The following MAP3K2 variants were observed in gnomAD, a reference collection of about 807,000 sequenced individuals.
MAP3K2 encodes mitogen-activated protein kinase kinase kinase 2.
A neutral mutation model predicts 80.3 loss-of-function variants in MAP3K2; 24 were observed. The observed-to-expected ratio is 0.30, with a 90% CI of 0.22 to 0.42. The LOEUF is 0.42. Ranked by LOEUF, MAP3K2 falls within the 10% of genes least tolerant of loss-of-function variation. The pLI, the probability that MAP3K2 is intolerant of heterozygous loss-of-function variation, is 1.00. For synonymous variants in MAP3K2, 244 were observed against 253.7 expected, an observed-to-expected ratio of 0.96 and a Z score of 0.36; for missense variants, 608 against 750.1, an observed-to-expected ratio of 0.81 and a Z score of 2.21.
intron 1 of MAP3K2, among the ~76,000 whole-genome samples, chr2:127,362,027 A>G (rs957100688): frequency 1.3e-5 from 2 of 152,216 alleles, no homozygotes; most frequent in Non-Finnish European, 2.9e-5. Context: ...TTCAACTCTA[A>G]GCGGCAAATT....
Position 127,307,107 on chromosome 2 carries a change from A to T in MAP3K2, c.*472T>A, listed in dbSNP as rs1450254764. On this transcript the variant is annotated 3_prime_UTR_variant, in exon 17 of 17. Coordinates refer to ENST00000682094, the MANE Select transcript of MAP3K2 (RefSeq NM_001371910.2). The surrounding 1 kb of genome is among the most constrained non-coding windows in gnomAD (Gnocchi z 5.4). Reference sequence around the variant, plus strand: ...TCTTTAAGTTGAGTACCTACCCTAAACTAAAGTTTAGGGCTCAACCCCACA... The same window carrying T: ...TCTTTAAGTTGAGTACCTACCCTAATCTAAAGTTTAGGGCTCAACCCCACA... 1 of 152,716 alleles carries T rather than the reference A, an allele frequency of 6.5e-6. No individual in the cohort carries two copies. Among genetic ancestry groups the T allele is most frequent in the Non-Finnish European group, 1.5e-5 (1 of 68,148 alleles). 9.5% of individuals were successfully genotyped at this position (152,716 alleles called of 1,614,324 possible). A position where few individuals can be genotyped will look rare whatever the true frequency, so the allele number is the denominator to read the frequency against.
At chr2:127,309,161 C>G (rs1157662130) in intron 15 of MAP3K2, among the ~76,000 whole-genome samples, 1 of 152,144 alleles carries the variant, frequency 6.6e-6, no homozygotes, top group African/African-American at 2.4e-5. Context: ...GAGAAGTCAG[C>G]CTTTTCTCAG....
chr2:127,342,266 G>A (rs1686507261), intron 2 of MAP3K2, among the ~76,000 whole-genome samples: 1 of 152,080 alleles, frequency 6.6e-6, no homozygotes, highest in Non-Finnish European at 1.5e-5. Context: ...AAGAGGAAGT[G>A]GAAGAACAAT....
intron 1 of MAP3K2, among the ~76,000 whole-genome samples, chr2:127,345,336 A>G (rs1686578412): frequency 1.3e-5 from 2 of 152,250 alleles, no homozygotes; most frequent in Admixed American, 6.5e-5. Context: ...TATAGCAATT[A>G]TAAACTTATA....
At position 127,322,137 on chromosome 2, in the gene MAP3K2, G is replaced by A. The variant is rs1043455846; in HGVS notation, c.954C>T (p.Thr318=). 11 of 1,613,754 alleles carry A rather than the reference G, an allele frequency of 6.8e-6. No homozygotes were observed. Among genetic ancestry groups the A allele is most frequent in the Middle Eastern group, 1.6e-4 (1 of 6,062 alleles). The change falls in exon 12 of 17, where the codon ACC becomes ACT. Residue 318 remains threonine, a synonymous_variant. Coordinates refer to ENST00000682094, the MANE Select transcript of MAP3K2 (RefSeq NM_001371910.2). This position sits in a 1 kb window ranked among gnomAD's most constrained non-coding sequence, Gnocchi z 4.2. ...TTATTCGACTATCATCATACTCTGG[G>A]GTAAAGATACTGCTTCCACTACTAG... ...LSTSSGSSIF[T]PEYDDSRIRR... is the part of the protein sequence containing the mutation.
chr2:127,346,969 C>T (rs1228957140), intron 1 of MAP3K2, among the ~76,000 whole-genome samples: 11 of 151,552 alleles, frequency 7.3e-5, no homozygotes, highest in Non-Finnish European at 1.0e-4. Flanking sequence ...CTAGCCCGCG[C>T]GACAGAGCGA....
intron 5 of MAP3K2, among the ~76,000 whole-genome samples, chr2:127,335,416 T>G (rs1686346061): frequency 6.6e-6 from 1 of 152,190 alleles, no homozygotes; most frequent in African/African-American, 2.4e-5. Context: ...TCCTCACTGC[T>G]AGAGCAAGCC....
rs1377824443 is a variant in MAP3K2 at position 127,299,963 on chromosome 2, A to G, written c.*7616T>C. ...CAGACAGAAAAAAACATCTCCACAC[A>G]AACATACATCCCCTGATACACAGTT... On this transcript the variant is annotated 3_prime_UTR_variant, in exon 17 of 17. Transcript: ENST00000682094. 2.6e-5 allele frequency: 2 copies of G among 76,532 alleles called. No homozygotes were observed. The highest frequency in any genetic ancestry group is 1.2e-4 in the African/African-American group (2 of 17,158). The allele number at this position is 76,532 out of a possible 1,614,324, so 4.7% of individuals were successfully genotyped here. A position where few individuals can be genotyped will look rare whatever the true frequency, so the allele number is the denominator to read the frequency against.
chr2:127,350,454 C>CAAAAAAAAAAAAAAAAAA (rs752516255), intron 1 of MAP3K2, among the ~76,000 whole-genome samples: 24 of 99,160 alleles, frequency 2.4e-4, no homozygotes, highest in Admixed American at 3.2e-4. Flanking sequence ...AAAACAAAAA[C>CAAAAAAAAAAAAAAAAAA]AAAAAAAAAA....
chr2:127,335,629 AATACAT>A (rs1455726340), intron 5 of MAP3K2, among the ~76,000 whole-genome samples: 1 of 152,222 alleles, frequency 6.6e-6, no homozygotes, highest in Non-Finnish European at 1.5e-5. Flanking sequence ...AATTCCAAGT[AATACAT>A]ATATTTTCCC....
intron 1 of MAP3K2, among the ~76,000 whole-genome samples, chr2:127,371,130 G>A (rs1472026664): frequency 6.6e-6 from 1 of 152,202 alleles, no homozygotes; most frequent in Non-Finnish European, 1.5e-5. Flanking sequence ...CTTACGAAAG[G>A]AATGACTGAA....
At position 127,366,897 on chromosome 2, in the gene MAP3K2, A is replaced by T. The variant is rs560698183; in HGVS notation, c.-66+20555T>A. On this transcript the variant is annotated intron_variant, in intron 1 of 16. Coordinates refer to ENST00000682094, the MANE Select transcript of MAP3K2 (RefSeq NM_001371910.2). ...TTTTTTTTTTTTTTTTTTGAGACAGAGTCTCGCTTTGTCACCAGGCTGGAG... is the reference window on the plus strand; with the variant it reads ...TTTTTTTTTTTTTTTTTTGAGACAGTGTCTCGCTTTGTCACCAGGCTGGAG... 1.5e-3 allele frequency among the ~76,000 whole-genome samples: 184 copies of T among 121,958 alleles called. 1 individual carries two copies. Among genetic ancestry groups the T allele is most frequent in the African/African-American group, 5.3e-3 (172 of 32,362 alleles). The allele number at this position is 121,958 out of a possible 152,430, so 80.0% of individuals were successfully genotyped here. A position where few individuals can be genotyped will look rare whatever the true frequency, so the allele number is the denominator to read the frequency against.
In MAP3K2 at chr2:127,303,731, A is replaced by G. The variant is rs1685642313; in HGVS notation, c.*3848T>C. On this transcript the variant is annotated 3_prime_UTR_variant, in exon 17 of 17. Transcript: ENST00000682094. Reference sequence around the variant, plus strand: ...TGAACAAACAAAGAAGATTCATTCTATTAAAAAAGATAGATTTGTATATTT... The same window carrying G: ...TGAACAAACAAAGAAGATTCATTCTGTTAAAAAAGATAGATTTGTATATTT... The G allele has an allele frequency of 6.6e-6, 1 of 152,172 alleles. No individual in the cohort carries two copies. 9.4% of individuals were successfully genotyped at this position (152,172 alleles called of 1,614,324 possible).
At chr2:127,358,377 C>T (rs926227775) in intron 1 of MAP3K2, among the ~76,000 whole-genome samples, 1 of 152,194 alleles carries the variant, frequency 6.6e-6, no homozygotes, top group African/African-American at 2.4e-5. Flanking sequence ...TTGGCAGTTT[C>T]TCACAAAACT....
upstream of MAP3K2, chr2:127,388,086 C>G (rs1011364371): frequency 2.0e-6 from 2 of 983,990 alleles, no homozygotes; most frequent in Admixed American, 6.2e-5. Flanking sequence ...GGGAGTGGGT[C>G]GGCGCCTGCG....
chr2:127,357,176 A>T (rs1465007968), intron 1 of MAP3K2, among the ~76,000 whole-genome samples: 1 of 152,224 alleles, frequency 6.6e-6, no homozygotes, highest in Non-Finnish European at 1.5e-5. Flanking sequence ...AATTGAACAA[A>T]ATGCCATGTT....
At chr2:127,366,460 G>C (rs750525571) in intron 1 of MAP3K2, among the ~76,000 whole-genome samples, 2 of 150,860 alleles carry the variant, frequency 1.3e-5, no homozygotes, top group Non-Finnish European at 2.9e-5. Flanking sequence ...AGTTAGAAAT[G>C]TGAAGATTGA....
At chr2:127,368,912 G>T (rs914296843) in intron 1 of MAP3K2, among the ~76,000 whole-genome samples, 1 of 151,658 alleles carries the variant, frequency 6.6e-6, no homozygotes, top group Non-Finnish European at 1.5e-5. Context: ...CACCCAGCTT[G>T]TTGAATTGTG....
rs771364036 is a variant in MAP3K2, at chr2:127,314,760, T to C, written c.1450A>G (p.Ile484Val). 6.2e-7 allele frequency: 1 copy of C among 1,603,172 alleles called. No homozygotes were observed. The highest frequency in any genetic ancestry group is 8.5e-7 in the Non-Finnish European group (1 of 1,173,504). Residue 484 changes from isoleucine to valine, a missense_variant, in exon 15 of 17, where the codon ATC becomes GTC. Physicochemically the swap from Ile to Val is conservative, Grantham distance 29. Around this residue, in one of 4 missense-constraint regions of MAP3K2, gnomAD observed 88 missense variants for 132.4 expected, o/e 0.66. Transcript: ENST00000682094. ...LHSNMIVHRD[I>V]KGANILRDST... The stretch of plus-strand genomic sequence containing the variant: ...AAAATACCTCATTACTTACCTTTGA[T>C]ATCTCTATGGACAATCATATTACTG...
Sources: allele counts gnomAD v4.1 joint callset (sites outside exome capture counted in the v4.1 genomes callset), GRCh38; gene constraint gnomAD v4.1.1; regional missense constraint gnomAD v4.1.1; non-coding constraint Gnocchi (gnomAD v3.1); transcripts MANE v1.5; gene names NCBI Gene and HGNC (gene_info 2026-07-23, HGNC 2026-07-21).